PTPRM: variants seen among roughly 807,000 people sequenced by gnomAD.
The protein encoded by PTPRM is protein tyrosine phosphatase receptor type M, also known as receptor-type tyrosine-protein phosphatase mu.
PTPRM carries 47 observed loss-of-function variants against 186.7 expected under a neutral mutation model. The ratio of observed to expected loss-of-function variants is 0.25; its 90% CI spans 0.20 to 0.32. The LOEUF (loss-of-function observed/expected upper bound fraction) is 0.32. Among genes scored for constraint, PTPRM ranks in the 10% least tolerant of loss-of-function variants. PTPRM has a pLI of 1.00. For missense variants in PTPRM, 1,494 were observed against 1,865.0 expected (o/e 0.80, Z 3.66); for synonymous variants, 668 against 674.9 (o/e 0.99, Z 0.16).
At chr18:8,081,805 T>G (rs2090143732) in intron 9 of PTPRM, among the ~76,000 whole-genome samples, 1 of 152,150 alleles carries the variant, frequency 6.6e-6, no homozygotes, top group East Asian at 1.9e-4. Flanking sequence ...CCAACATATT[T>G]GTTTGTTAGG....
rs11877258 is a variant in PTPRM at position 7,885,881 on chromosome 18, A to T, written c.197-2225A>T. ...TGGAAAACTGGGTGATTTCCTTAAC[A>T]GTAATGGTAGAAAGGTACCCAGTTT... On this transcript the variant is annotated intron_variant, in intron 2 of 32. Transcript: ENST00000580170. Among the ~76,000 whole-genome samples the T allele has an allele frequency of 1.8e-3, 270 of 152,330 alleles. 2 individuals are homozygous for T. The highest frequency in any genetic ancestry group is 6.3e-3 in the African/African-American group (262 of 41,572).
At chr18:7,667,829 A>G (rs2039131735) in intron 1 of PTPRM, among the ~76,000 whole-genome samples, 1 of 152,222 alleles carries the variant, frequency 6.6e-6, no homozygotes, top group African/African-American at 2.4e-5. Context: ...AAGGCTACAT[A>G]TAAACTGCAT....
intron 7 of PTPRM, among the ~76,000 whole-genome samples, chr18:7,959,288 G>C (rs924947408): frequency 6.6e-6 from 1 of 152,114 alleles, no homozygotes; most frequent in Admixed American, 6.5e-5. Context: ...TGCTTATCTG[G>C]GAAATCTAAA....
At chr18:7,856,751 A>AAAAAT (rs1422114662) in intron 2 of PTPRM, among the ~76,000 whole-genome samples, 2 of 151,678 alleles carry the variant, frequency 1.3e-5, no homozygotes, top group Non-Finnish European at 2.9e-5. Context: ...CTCAAAAAAA[A>AAAAAT]AAAAAGTCAT....
chr18:7,858,373 A>G (rs1567925855), intron 2 of PTPRM, among the ~76,000 whole-genome samples: 1 of 152,062 alleles, frequency 6.6e-6, no homozygotes, highest in Non-Finnish European at 1.5e-5. Context: ...CCTGGGCAAC[A>G]TGGCAAGACT....
intron 1 of PTPRM, among the ~76,000 whole-genome samples, chr18:7,636,756 A>G (rs942356284): frequency 1.3e-5 from 2 of 152,174 alleles, no homozygotes; most frequent in Admixed American, 1.3e-4. Flanking sequence ...TTTGAAGGAG[A>G]TGTTGGATTT....
intron 2 of PTPRM, among the ~76,000 whole-genome samples, chr18:7,842,495 G>T (rs1166620544): frequency 6.6e-6 from 1 of 152,134 alleles, no homozygotes; most frequent in Non-Finnish European, 1.5e-5. Context: ...TTGCCGTGAA[G>T]ATATTTTTAG....
In PTPRM at chr18:7,706,449, A is replaced by T. The variant is rs544089136; in HGVS notation, c.74-67700A>T. Among the ~76,000 whole-genome samples the T allele has an allele frequency of 1.3e-4, 20 of 151,912 alleles. 1 individual carries two copies. In the South Asian group the frequency reaches 4.2e-3, roughly 32 times the overall value. ...CTACTTCTACAAAAAAATAAAAAAAATTAGCCAAGAGTGGTGGTGGTGCAC... is the reference window on the plus strand; with the variant it reads ...CTACTTCTACAAAAAAATAAAAAAATTTAGCCAAGAGTGGTGGTGGTGCAC... On this transcript the variant is annotated intron_variant, in intron 1 of 32. Coordinates refer to ENST00000580170, the MANE Select transcript of PTPRM (RefSeq NM_001105244.2).
chr18:7,953,727 G>A (rs553728918), intron 6 of PTPRM, among the ~76,000 whole-genome samples: 10 of 152,202 alleles, frequency 6.6e-5, no homozygotes, highest in Admixed American at 5.2e-4. Flanking sequence ...GAGTTTACCC[G>A]GTATCAGCTC....
chr18:7,895,529 G>A (rs748345895), intron 3 of PTPRM, among the ~76,000 whole-genome samples: 1 of 152,144 alleles, frequency 6.6e-6, no homozygotes, highest in Non-Finnish European at 1.5e-5. Flanking sequence ...TTCTGTGAGG[G>A]TCCGTGCAGT....
At chr18:8,031,528 A>AC (rs1600165258) in intron 7 of PTPRM, among the ~76,000 whole-genome samples, 1 of 152,194 alleles carries the variant, frequency 6.6e-6, no homozygotes, top group Non-Finnish European at 1.5e-5. Flanking sequence ...CTGCAAAAAA[A>AC]CTCAGGGCAA....
chr18:7,931,144 T>C (rs1172478646), intron 5 of PTPRM, among the ~76,000 whole-genome samples: 1 of 152,210 alleles, frequency 6.6e-6, no homozygotes, highest in Non-Finnish European at 1.5e-5. Context: ...TTATCGGATA[T>C]GGCAATCTAT....
chr18:7,722,708 A>T (rs919590351), intron 1 of PTPRM, among the ~76,000 whole-genome samples: 2 of 152,322 alleles, frequency 1.3e-5, no homozygotes, highest in East Asian at 3.9e-4. Context: ...CAAATCATAA[A>T]CTGGGAATAA....
chr18:8,100,007 G>A (rs937550650), intron 11 of PTPRM, among the ~76,000 whole-genome samples: 3 of 152,122 alleles, frequency 2.0e-5, no homozygotes, highest in Admixed American at 6.5e-5. Context: ...CTTGGCTGCT[G>A]GGGAGGCCTC....
At chr18:7,794,316 A>G (rs918217058) in intron 2 of PTPRM, among the ~76,000 whole-genome samples, 7 of 151,936 alleles carry the variant, frequency 4.6e-5, no homozygotes. Context: ...GTAAACATTC[A>G]CCCCTAGACA....
At chr18:8,016,930 AT>A (rs779113098) in intron 7 of PTPRM, among the ~76,000 whole-genome samples, 1 of 152,222 alleles carries the variant, frequency 6.6e-6, no homozygotes, top group Non-Finnish European at 1.5e-5. Flanking sequence ...ATATTCACGC[AT>A]TAATAGATTT....
chr18:7,598,800 T>C (rs1486557298), intron 1 of PTPRM, among the ~76,000 whole-genome samples: 1 of 139,956 alleles, frequency 7.1e-6, no homozygotes, highest in Non-Finnish European at 1.5e-5. Flanking sequence ...TTTTTTTTTT[T>C]AAGGCAACAG....
intron 21 of PTPRM, among the ~76,000 whole-genome samples, chr18:8,315,536 A>C (rs2095303160): frequency 6.6e-6 from 1 of 152,184 alleles, no homozygotes; most frequent in African/African-American, 2.4e-5. Flanking sequence ...TCAAAAGTAG[A>C]CTGAAAAATC....
chr18:8,028,818 G>A (rs1013987217), intron 7 of PTPRM, among the ~76,000 whole-genome samples: 2 of 152,174 alleles, frequency 1.3e-5, no homozygotes, highest in Non-Finnish European at 2.9e-5. Context: ...AAGATGAAGT[G>A]CAAAAAAGAT....
Sources: gnomAD v4.1 joint callset for allele counts (sites outside exome capture counted in the v4.1 genomes callset) on GRCh38, gnomAD v4.1.1 for gene constraint, MANE v1.5 for transcripts, NCBI Gene and HGNC (gene_info 2026-07-23, HGNC 2026-07-21) for gene names.